TENM3: variants seen among roughly 807,000 people sequenced by gnomAD.
TENM3 encodes teneurin-3.
A neutral mutation model predicts 255.1 loss-of-function variants in TENM3; 63 were observed. The observed-to-expected ratio is 0.25, with a 90% CI of 0.20 to 0.30. The LOEUF is 0.30. Ranked by LOEUF, TENM3 falls within the 10% of genes least tolerant of loss-of-function variation. TENM3 has a pLI of 1.00. For synonymous variants in TENM3, 1,306 were observed against 1,322.3 expected (o/e 0.99, Z 0.27); for missense variants, 2,929 against 3,461.1 (o/e 0.85, Z 3.86).
At chr4:181,754,014 A>G in the TENM3 span, among the ~76,000 whole-genome samples, 1 of 152,164 alleles carries the variant, frequency 6.6e-6, no homozygotes, top group African/African-American at 2.4e-5. Flanking sequence ...CAACTGTATG[A>G]GATTGACAAG....
chr4:182,710,946 C>CT (rs1758704791), intron 12 of TENM3, among the ~76,000 whole-genome samples: 1 of 152,196 alleles, frequency 6.6e-6, no homozygotes, highest in African/African-American at 2.4e-5. Context: ...TCCTACACAC[C>CT]TTTTGTGAGA....
the TENM3 span, among the ~76,000 whole-genome samples, chr4:181,465,605 A>G: frequency 6.6e-6 from 1 of 152,220 alleles, no homozygotes; most frequent in African/African-American, 2.4e-5. Flanking sequence ...GCGGAATTCT[A>G]GAGCCCATAG....
At chr4:181,902,713 G>T in the TENM3 span, among the ~76,000 whole-genome samples, 1 of 151,998 alleles carries the variant, frequency 6.6e-6, no homozygotes, top group African/African-American at 2.4e-5. Context: ...ATAAGTAGAA[G>T]TTGAACAATG....
intron 16 of TENM3, among the ~76,000 whole-genome samples, chr4:182,735,718 G>A (rs1166277938): frequency 1.3e-5 from 2 of 152,196 alleles, no homozygotes; most frequent in South Asian, 2.1e-4. Flanking sequence ...TACAGCCTAT[G>A]TAGAAAGCCT....
chr4:181,787,340 CTT>C, the TENM3 span, among the ~76,000 whole-genome samples: 20 of 141,356 alleles, frequency 1.4e-4, no homozygotes, highest in African/African-American at 1.8e-4. Flanking sequence ...CTACATCCAT[CTT>C]TTTTTTTTTT....
Position 182,714,141 on chromosome 4 carries a change from G to T in TENM3, c.2276G>T (p.Gly759Val). The T allele has an allele frequency of 8.1e-6, 13 of 1,613,792 alleles. No individual in the cohort carries two copies. Among genetic ancestry groups the T allele is most frequent in the Non-Finnish European group, 1.1e-5 (13 of 1,179,762 alleles). The part of the protein sequence containing the change: ...SNGRCTLDQN[G>V]WHCVCQPGWR... Reference sequence around the variant, plus strand: ...GGAAGATGTACCCTGGACCAAAATGGCTGGCATTGTGTGTGCCAGCCTGGA... The same window carrying T: ...GGAAGATGTACCCTGGACCAAAATGTCTGGCATTGTGTGTGCCAGCCTGGA... The change falls in exon 13 of 28, where the codon GGC becomes GTC. Residue 759 changes from glycine to valine, a missense_variant. Transcript: ENST00000511685.
intron 3 of TENM3, among the ~76,000 whole-genome samples, chr4:182,366,564 AT>A (rs1158145650): frequency 2.0e-5 from 3 of 152,108 alleles, no homozygotes; most frequent in Non-Finnish European, 4.4e-5. Flanking sequence ...TCTAATAAAT[AT>A]ACGCTAATCT....
intron 5 of TENM3, among the ~76,000 whole-genome samples, chr4:182,650,162 T>C (rs1753128149): frequency 6.6e-6 from 1 of 150,488 alleles, no homozygotes; most frequent in South Asian, 2.2e-4. Context: ...AATGACTGGT[T>C]TGAAATGCAT....
At chr4:182,755,374 C>A in intron 22 of TENM3, 115 bp downstream of exon 22, 2 of 1,100,730 alleles carry the variant, frequency 1.8e-6, no homozygotes, top group Non-Finnish European at 2.5e-6. Flanking sequence ...GAGTCTAGAG[C>A]TTCTGTAATT....
the TENM3 span, among the ~76,000 whole-genome samples, chr4:181,642,251 T>C: frequency 1.3e-5 from 2 of 152,192 alleles, no homozygotes; most frequent in Non-Finnish European, 2.9e-5. Context: ...ATATGTTTGT[T>C]GCCTGCATAA....
intron 3 of TENM3, among the ~76,000 whole-genome samples, chr4:182,582,990 C>T (rs1213488039): frequency 6.6e-6 from 1 of 152,112 alleles, no homozygotes; most frequent in East Asian, 1.9e-4. Context: ...TGCAGTTATC[C>T]AAACAAGATG....
rs895397780 is a variant in TENM3 at position 182,800,851 on chromosome 4, G to A, written c.*500G>A. ...CCAACTGCTTTCCCTGTGCAGCTTT[G>A]TAGAAGGACATTGGCACAGTGACTT... On this transcript the variant is annotated 3_prime_UTR_variant, in exon 28 of 28. Transcript: ENST00000511685. 6.5e-6 allele frequency: 1 copy of A among 152,992 alleles called. No homozygotes were observed. Among genetic ancestry groups the A allele is most frequent in the Admixed American group, 6.5e-5 (1 of 15,362 alleles). 9.5% of individuals were successfully genotyped at this position (152,992 alleles called of 1,614,324 possible). A position where few individuals can be genotyped will look rare whatever the true frequency, so the allele number is the denominator to read the frequency against.
chr4:182,454,528 A>G (rs1773720756), intron 3 of TENM3, among the ~76,000 whole-genome samples: 1 of 152,200 alleles, frequency 6.6e-6, no homozygotes, highest in African/African-American at 2.4e-5. Context: ...TTAAGCTAGT[A>G]AGAGGAAAGA....
At chr4:182,239,550 G>A (rs1186936715), upstream of TENM3, among the ~76,000 whole-genome samples, 1 of 152,104 alleles carries the variant, frequency 6.6e-6, no homozygotes, top group Non-Finnish European at 1.5e-5. Context: ...CAAAAACTTT[G>A]ACATTGTCAT....
chr4:181,920,120 A>T, the TENM3 span, among the ~76,000 whole-genome samples: 2 of 151,558 alleles, frequency 1.3e-5, no homozygotes, highest in African/African-American at 4.9e-5. Context: ...CATTTTCTTA[A>T]TCCAGTCTAT....
At chr4:181,960,273 G>A in the TENM3 span, among the ~76,000 whole-genome samples, 2 of 152,286 alleles carry the variant, frequency 1.3e-5, no homozygotes, top group East Asian at 1.9e-4. Flanking sequence ...ATGGTAAGTA[G>A]GCTGTTTTGC....
the TENM3 span, among the ~76,000 whole-genome samples, chr4:181,645,831 C>T: frequency 6.6e-6 from 1 of 152,208 alleles, no homozygotes; most frequent in African/African-American, 2.4e-5. Context: ...GTGAGTTTCA[C>T]ATTGATGCTA....
rs189854333 is a variant in TENM3 at position 182,485,234 on chromosome 4, A to G, written c.512-115690A>G. Among the ~76,000 whole-genome samples, 51 of 152,232 alleles carry G rather than the reference A, an allele frequency of 3.4e-4. 1 individual carries two copies. The highest frequency in any genetic ancestry group is 1.4e-3 in the Admixed American group (21 of 15,294). On this transcript the variant is annotated intron_variant, in intron 3 of 27. Transcript: ENST00000511685. ...GTGTATATATAACATTTTCCCCTTC[A>G]TTACAAATGCATCAGCAAAACTGCT... is the stretch of plus-strand genomic sequence containing the variant.
chr4:182,582,747 C>T (rs749611144), intron 3 of TENM3, among the ~76,000 whole-genome samples: 8 of 152,082 alleles, frequency 5.3e-5, no homozygotes, highest in Admixed American at 1.3e-4. Flanking sequence ...CTTTAAAAAT[C>T]GATTCTAGCT....
Sources: allele counts gnomAD v4.1 joint callset (sites outside exome capture counted in the v4.1 genomes callset), GRCh38; gene constraint gnomAD v4.1.1; transcripts MANE v1.5; gene names NCBI Gene and HGNC (gene_info 2026-07-23, HGNC 2026-07-21).